BCAS3: variants seen among roughly 807,000 people sequenced by gnomAD.
The protein encoded by BCAS3 is BCAS4/BCAS3 fusion.
BCAS3 carries 53 observed loss-of-function variants against 116.1 expected under a neutral mutation model. That is an observed-to-expected ratio of 0.46 (90% CI 0.37 to 0.57). The LOEUF (loss-of-function observed/expected upper bound fraction) is 0.57, where lower values mean the gene tolerates loss of function less well. Ranked by LOEUF, BCAS3 falls within the 20% of genes least tolerant of loss-of-function variation. The pLI is 0.00. For synonymous variants in BCAS3, 391 were observed against 408.2 expected (o/e 0.96, Z 0.51); for missense variants, 917 against 1,165.4 (o/e 0.79, Z 3.10).
intron 2 of BCAS3, among the ~76,000 whole-genome samples, chr17:60,682,420 C>G (rs978038064): frequency 6.6e-6 from 1 of 152,062 alleles, no homozygotes; most frequent in Admixed American, 6.6e-5. Context: ...TTGTAGGTCT[C>G]TAGGGCATAT....
chr17:60,692,768 T>G (rs1262414680), intron 4 of BCAS3, among the ~76,000 whole-genome samples: 2 of 65,916 alleles, frequency 3.0e-5, no homozygotes, highest in Non-Finnish European at 9.0e-5. Context: ...TGGTGGCATG[T>G]ACCTGTAATC....
intron 22 of BCAS3, among the ~76,000 whole-genome samples, chr17:61,138,601 TA>T (rs1467196590): frequency 3.3e-5 from 5 of 152,234 alleles, no homozygotes; most frequent in Non-Finnish European, 7.3e-5. Context: ...ATTATCCATT[TA>T]GGGGGCAGTG....
rs1294141666 is a variant in BCAS3 at position 61,228,341 on chromosome 17, T to C, written c.2426-139986T>C. Among the ~76,000 whole-genome samples the C allele has an allele frequency of 6.6e-6, 1 of 152,212 alleles. No homozygotes were observed. Among genetic ancestry groups the C allele is most frequent in the Non-Finnish European group, 1.5e-5 (1 of 68,032 alleles). On this transcript the variant is annotated intron_variant, in intron 22 of 23. Coordinates refer to ENST00000407086, the MANE Select transcript of BCAS3 (RefSeq NM_017679.5). This position sits in a 1 kb window ranked among gnomAD's most constrained non-coding sequence, Gnocchi z 5.0. ...CTTACCAGGAAACCGTAATTTATAG[T>C]GTATTTTTTTAAGGTGGGAAGGACA...
intron 19 of BCAS3, among the ~76,000 whole-genome samples, chr17:61,055,994 C>T (rs1434830168): frequency 6.6e-6 from 1 of 152,122 alleles, no homozygotes; most frequent in East Asian, 1.9e-4. Flanking sequence ...GTGACGTGCT[C>T]AAAACCTGTC....
chr17:60,975,962 G>A (rs2062319167), intron 14 of BCAS3, among the ~76,000 whole-genome samples: 1 of 140,284 alleles, frequency 7.1e-6, no homozygotes, highest in Non-Finnish European at 1.5e-5. Context: ...AGACATTTAA[G>A]TTGTTTCCAC....
rs769372933 is a variant in BCAS3 at position 61,313,875 on chromosome 17, C to T, written c.2426-54452C>T. On this transcript the variant is annotated intron_variant, in intron 22 of 23. Coordinates refer to ENST00000407086, the MANE Select transcript of BCAS3 (RefSeq NM_017679.5). The surrounding 1 kb of genome is among the most constrained non-coding windows in gnomAD (Gnocchi z 4.3). ...CGCGGAGCCAGTGACCACACGTGGG[C>T]CTGCTGTCTCCTCCACCAGCCCCAC... 2.8e-4 allele frequency among the ~76,000 whole-genome samples: 43 copies of T among 152,308 alleles called. No homozygotes were observed. Among genetic ancestry groups the T allele is most frequent in the Middle Eastern group, 6.8e-3 (2 of 294 alleles).
intron 15 of BCAS3, among the ~76,000 whole-genome samples, chr17:60,999,341 C>T (rs1000192307): frequency 6.6e-6 from 1 of 151,826 alleles, no homozygotes; most frequent in Admixed American, 6.6e-5. Context: ...AGTTCGAGAC[C>T]AGCCTGGCCA....
chr17:61,392,254 C>CAGCCAT lies in BCAS3; in HGVS notation c.*133_*134insATAGCC, dbSNP rs1377691820. 5 of 1,156,506 alleles carry CAGCCAT rather than the reference C, an allele frequency of 4.3e-6. No homozygotes were observed. The highest frequency in any genetic ancestry group is 6.0e-6 in the Non-Finnish European group (5 of 830,960). The allele number at this position is 1,156,506 out of a possible 1,614,324, so 71.6% of individuals were successfully genotyped here. ...CCACCTTCCCCAAGCTTAGTGACAG[C>CAGCCAT]AGCCGCCCATCCTACCTGGATGGAG... On this transcript the variant is annotated 3_prime_UTR_variant, in exon 24 of 24. Coordinates refer to ENST00000407086, the MANE Select transcript of BCAS3 (RefSeq NM_017679.5). The surrounding 1 kb of genome is among the most constrained non-coding windows in gnomAD (Gnocchi z 6.4).
chr17:60,922,288 G>A lies in BCAS3; in HGVS notation c.994-2119G>A, dbSNP rs539509352. Among the ~76,000 whole-genome samples, 21 of 152,078 alleles carry A rather than the reference G, an allele frequency of 1.4e-4. No individual in the cohort carries two copies. In the East Asian group the frequency reaches 3.9e-3, roughly 28 times the overall value. Reference sequence around the variant, plus strand: ...ATTACAGGCACGCGCCACCATGTCCGGCTAATTTTTGTAGTTTTAGTAGAG... The same window carrying A: ...ATTACAGGCACGCGCCACCATGTCCAGCTAATTTTTGTAGTTTTAGTAGAG... On this transcript the variant is annotated intron_variant, in intron 12 of 23. Transcript: ENST00000407086.
intron 22 of BCAS3, among the ~76,000 whole-genome samples, chr17:61,164,677 C>T (rs932206831): frequency 3.9e-5 from 6 of 152,148 alleles, no homozygotes; most frequent in Admixed American, 6.5e-5. Flanking sequence ...CATCTTCCAC[C>T]ATAGAATGAC....
At chr17:60,794,063 A>G (rs139739970) in intron 6 of BCAS3, among the ~76,000 whole-genome samples, 35 of 152,132 alleles carry the variant, frequency 2.3e-4, no homozygotes, top group African/African-American at 8.0e-4. Context: ...ATCCACACCA[A>G]CATCTACTGT....
chr17:61,194,315 C>T (rs1360564112), intron 22 of BCAS3, among the ~76,000 whole-genome samples: 1 of 152,144 alleles, frequency 6.6e-6, no homozygotes, highest in Admixed American at 6.5e-5. Context: ...CAGACTTTGT[C>T]ATTGGTTAAC....
At chr17:61,267,616 AATCCTCCTGGATTACAGGCACACATCACC>A (rs2049849640) in intron 22 of BCAS3, among the ~76,000 whole-genome samples, 2 of 146,148 alleles carry the variant, frequency 1.4e-5, no homozygotes, top group Non-Finnish European at 3.0e-5. Context: ...GTGTGCCTGT[AATCCTCCTGGATTACAGGCACACATCACC>A]TTGAATCCAG....
intron 23 of BCAS3, chr17:61,382,744 GA>G (rs2059668628): frequency 6.6e-6 from 1 of 152,142 alleles, no homozygotes; most frequent in African/African-American, 2.4e-5. Flanking sequence ...AGGGGAAGGT[GA>G]ATGGAACCAT....
chr17:61,115,732 C>T (rs2075388426), intron 22 of BCAS3, among the ~76,000 whole-genome samples: 1 of 145,980 alleles, frequency 6.9e-6, no homozygotes, highest in Admixed American at 6.9e-5. Context: ...CCAGCCATCC[C>T]ATTACTGGGT....
At chr17:61,067,315 ATT>A (rs1491123631) in intron 19 of BCAS3, among the ~76,000 whole-genome samples, 31 of 126,552 alleles carry the variant, frequency 2.4e-4, no homozygotes, top group African/African-American at 4.1e-4. Context: ...ATATATATAT[ATT>A]TATACAGACT....
chr17:61,069,834 TAAAAAAAA>T, intron 19 of BCAS3: 6 of 606,100 alleles, frequency 9.9e-6, no homozygotes, highest in African/African-American at 2.7e-5. Flanking sequence ...AGACCCTGTG[TAAAAAAAA>T]AAAAAAAAAA....
chr17:60,690,973 C>T, intron 4 of BCAS3, among the ~76,000 whole-genome samples: 1 of 151,996 alleles, frequency 6.6e-6, no homozygotes, highest in South Asian at 2.1e-4. Context: ...CACTCTGTCG[C>T]CCAGGCTGGA....
In BCAS3 at chr17:60,695,456, T is replaced by C. The variant is rs532486566; in HGVS notation, c.214+5695T>C. 2.0e-3 allele frequency among the ~76,000 whole-genome samples: 306 copies of C among 152,334 alleles called. 1 individual carries two copies. Among genetic ancestry groups the C allele is most frequent in the African/African-American group, 7.2e-3 (301 of 41,588 alleles). On this transcript the variant is annotated intron_variant, in intron 4 of 23. Coordinates refer to ENST00000407086, the MANE Select transcript of BCAS3 (RefSeq NM_017679.5). ...ATTCATTCATTTATTGAAAGACATT[T>C]GTGTTGCTTCTACCTTTTGGCTTTG...
Sources: gnomAD v4.1 joint callset for allele counts (sites outside exome capture counted in the v4.1 genomes callset) on GRCh38, gnomAD v4.1.1 for gene constraint, Gnocchi (gnomAD v3.1) non-coding constraint, MANE v1.5 for transcripts, NCBI Gene and HGNC (gene_info 2026-07-23, HGNC 2026-07-21) for gene names.